IRAK1BP1: variants seen among roughly 807,000 people sequenced by gnomAD.
IRAK1BP1 encodes the protein interleukin 1 receptor associated kinase 1 binding protein 1.
In IRAK1BP1, 24 loss-of-function variants were observed where a neutral mutation model predicts 28.0. The ratio of observed to expected loss-of-function variants is 0.86; its 90% CI spans 0.62 to 1.20. The LOEUF (loss-of-function observed/expected upper bound fraction) is 1.20. Among genes scored for constraint, IRAK1BP1 ranks in the 50% most tolerant of loss-of-function variants. The pLI, the probability that IRAK1BP1 is intolerant of heterozygous loss-of-function variation, is 0.00. For synonymous variants in IRAK1BP1, 131 were observed against 116.3 expected, an observed-to-expected ratio of 1.13 and a Z score of -0.81; for missense variants, 336 against 316.7, an observed-to-expected ratio of 1.06 and a Z score of -0.46.
chr6:78,921,175 C>A (rs1345184831), intron 4 of IRAK1BP1, among the ~76,000 whole-genome samples: 1 of 152,152 alleles, frequency 6.6e-6, no homozygotes, highest in Non-Finnish European at 1.5e-5. Flanking sequence ...CCTTTCCTAG[C>A]CAAGGAAAGG....
intron 1 of IRAK1BP1, among the ~76,000 whole-genome samples, chr6:78,883,247 C>G (rs1771294964): frequency 6.6e-6 from 1 of 152,076 alleles, no homozygotes; most frequent in Admixed American, 6.6e-5. Flanking sequence ...GACAGCAAAG[C>G]AAGACCCTGT....
chr6:78,945,324 T>C, intron 4 of IRAK1BP1: 4 of 1,612,988 alleles, frequency 2.5e-6, no homozygotes, highest in Admixed American at 1.7e-5. Context: ...GCTGATGACT[T>C]TGAAAGAGTG....
At chr6:78,868,524 C>T (rs1376569739) in intron 1 of IRAK1BP1, among the ~76,000 whole-genome samples, 4 of 152,086 alleles carry the variant, frequency 2.6e-5, no homozygotes, top group Non-Finnish European at 4.4e-5. Context: ...ACCACATATA[C>T]GAAATACTTC....
At chr6:78,941,081 T>A in intron 4 of IRAK1BP1, 2 of 1,614,100 alleles carry the variant, frequency 1.2e-6, no homozygotes, top group Non-Finnish European at 1.7e-6. Context: ...AGAAAGAAAA[T>A]TGCATGTTGA....
intron 4 of IRAK1BP1, among the ~76,000 whole-genome samples, chr6:78,927,594 AAG>A (rs1162525439): frequency 3.9e-5 from 6 of 152,082 alleles, no homozygotes; most frequent in Non-Finnish European, 8.8e-5. Flanking sequence ...TGTGTTACTC[AAG>A]AAATTTTTGT....
chr6:78,918,115 T>C (rs541464722), intron 4 of IRAK1BP1, among the ~76,000 whole-genome samples: 9 of 152,134 alleles, frequency 5.9e-5, no homozygotes, highest in Non-Finnish European at 7.4e-5. Flanking sequence ...CTAGCCAACA[T>C]AGAGGGATCC....
At chr6:78,933,441 C>T (rs886708157) in intron 4 of IRAK1BP1, among the ~76,000 whole-genome samples, 7 of 137,638 alleles carry the variant, frequency 5.1e-5, no homozygotes, top group African/African-American at 1.8e-4. Flanking sequence ...CATGGTGAAC[C>T]CCTTCTCTTC....
Position 78,900,401 on chromosome 6 carries a change from A to G in IRAK1BP1, c.*2067A>G, listed in dbSNP as rs914404382. 5.9e-5 allele frequency: 9 copies of G among 152,344 alleles called. No individual in the cohort carries two copies. The highest frequency in any genetic ancestry group is 2.2e-4 in the African/African-American group (9 of 41,586). The allele number at this position is 152,344 out of a possible 1,614,324, so 9.4% of individuals were successfully genotyped here. A position where few individuals can be genotyped will look rare whatever the true frequency, so the allele number is the denominator to read the frequency against. The stretch of plus-strand genomic sequence containing the variant: ...TACCAACAGTACTTTCTTACAACAT[A>G]TTCCAGTATATAGTGTCCAGCTTCA... On this transcript the variant is annotated 3_prime_UTR_variant, in exon 4 of 4. Transcript: ENST00000369940.
At chr6:78,932,516 G>C (rs1215849116) in intron 4 of IRAK1BP1, among the ~76,000 whole-genome samples, 2 of 146,370 alleles carry the variant, frequency 1.4e-5, no homozygotes, top group Non-Finnish European at 1.5e-5. Flanking sequence ...CCACCTCCCA[G>C]GTTCAAGCAA....
chr6:78,950,049 C>T (rs996497586), downstream of IRAK1BP1, among the ~76,000 whole-genome samples: 13 of 151,964 alleles, frequency 8.6e-5, no homozygotes, highest in East Asian at 3.8e-4. Context: ...CTCCTGTGAC[C>T]GCACTGACTT....
chr6:78,879,511 T>C (rs964393198), intron 1 of IRAK1BP1, among the ~76,000 whole-genome samples: 1 of 152,134 alleles, frequency 6.6e-6, no homozygotes, highest in African/African-American at 2.4e-5. Context: ...GTCAAATGTC[T>C]GTATGCAAAA....
the IRAK1BP1 span, among the ~76,000 whole-genome samples, chr6:78,977,878 A>G: frequency 1.3e-5 from 2 of 152,222 alleles, no homozygotes; most frequent in South Asian, 4.1e-4. Context: ...TTTTTCTTAA[A>G]GTGTCAATTA....
At chr6:78,942,722 T>C (rs1773569562) in intron 4 of IRAK1BP1, among the ~76,000 whole-genome samples, 1 of 152,198 alleles carries the variant, frequency 6.6e-6, no homozygotes, top group Admixed American at 6.5e-5. Flanking sequence ...TTTTACATTA[T>C]GACTACAAGG....
downstream of IRAK1BP1, among the ~76,000 whole-genome samples, chr6:78,948,192 T>C (rs900982871): frequency 2.6e-5 from 4 of 152,258 alleles, no homozygotes; most frequent in South Asian, 2.1e-4. Flanking sequence ...ATAAAAACAA[T>C]GGAAGTATGC....
At chr6:78,935,465 T>G in intron 4 of IRAK1BP1, 1 of 970,954 alleles carries the variant, frequency 1.0e-6, no homozygotes, top group Non-Finnish European at 1.2e-6. Flanking sequence ...TCCCAGAAAT[T>G]GCACATTTTT....
chr6:78,978,037 T>C, the IRAK1BP1 span, among the ~76,000 whole-genome samples: 2 of 152,116 alleles, frequency 1.3e-5, no homozygotes, highest in Admixed American at 1.3e-4. Context: ...GAGTAAAAAA[T>C]GTTGAGACCA....
At chr6:78,968,405 G>C in the IRAK1BP1 span, among the ~76,000 whole-genome samples, 5,593 of 152,222 alleles carry the variant, frequency 0.037, 102 homozygotes, top group Middle Eastern at 0.058. Flanking sequence ...GGCAGATTCT[G>C]CATCAGCAAC....
chr6:78,876,162 AGAGT>A (rs1442480119), intron 1 of IRAK1BP1, among the ~76,000 whole-genome samples: 1 of 152,120 alleles, frequency 6.6e-6, no homozygotes, highest in African/African-American at 2.4e-5. Flanking sequence ...TGTTCTTGTA[AGAGT>A]GAGGGAGTTC....
chr6:78,946,294 T>C lies in IRAK1BP1; in HGVS notation c.*954T>C, dbSNP rs1163143294. On this transcript the variant is annotated 3_prime_UTR_variant and NMD_transcript_variant, in exon 5 of 5. Coordinates refer to the IRAK1BP1 transcript ENST00000606868. The stretch of plus-strand genomic sequence containing the variant: ...AAAATAGTATTGTCAGTCACTCTTA[T>C]AGCTCTATGTGAACGAATAAAACAG... 8 of 1,567,628 alleles carry C rather than the reference T, an allele frequency of 5.1e-6. No homozygotes were observed. In the African/African-American group the frequency reaches 6.9e-5, roughly 13 times the overall value.
Sources: allele counts gnomAD v4.1 joint callset (sites outside exome capture counted in the v4.1 genomes callset), GRCh38; gene constraint gnomAD v4.1.1; transcripts MANE v1.5; gene names NCBI Gene and HGNC (gene_info 2026-07-23, HGNC 2026-07-21).